The following CNR2 variants were observed in gnomAD, a reference collection of about 807,000 sequenced individuals.
CNR2 encodes the protein cannabinoid receptor 2.
For synonymous variants in CNR2, 172 were observed against 182.2 expected, an observed-to-expected ratio of 0.94 and a Z score of 0.45; for missense variants, 379 against 439.9, an observed-to-expected ratio of 0.86 and a Z score of 1.24.
intron 1 of CNR2, among the ~76,000 whole-genome samples, chr1:23,908,066 C>T (rs1005832857): frequency 2.8e-5 from 4 of 144,550 alleles, no homozygotes; most frequent in Non-Finnish European, 6.0e-5. Context: ...CTGCAACCTC[C>T]GGCTCTCTGG....
chr1:23,904,511 TC>T (rs1269058100), intron 1 of CNR2, among the ~76,000 whole-genome samples: 1 of 152,146 alleles, frequency 6.6e-6, no homozygotes, highest in Non-Finnish European at 1.5e-5. Context: ...AAGGCCTATC[TC>T]CCTCTTTCAA....
chr1:23,884,118 C>T (rs1640042842), intron 1 of CNR2, among the ~76,000 whole-genome samples: 1 of 151,426 alleles, frequency 6.6e-6, no homozygotes, highest in African/African-American at 2.4e-5. Context: ...CTCACTCTGT[C>T]GCCCAGGCTG....
At chr1:23,901,678 C>A in intron 1 of CNR2, 1 of 1,474,052 alleles carries the variant, frequency 6.8e-7, no homozygotes, top group Non-Finnish European at 9.5e-7. Flanking sequence ...GGTGTTCAAA[C>A]CAGACCGGGA....
intron 1 of CNR2, among the ~76,000 whole-genome samples, chr1:23,882,651 CAAAAAAA>C (rs34245051): frequency 8.9e-6 from 1 of 112,680 alleles, no homozygotes; most frequent in Non-Finnish European, 1.7e-5. Flanking sequence ...ACTAAAAATA[CAAAAAAA>C]AAAAAAAAAA....
Position 23,875,212 on chromosome 1 carries a change from G to T in CNR2, c.406C>A (p.Arg136Ser). ...LTAIDRYLCL[R>S]YPPSYKALLT... ...AGAGCTTTGTAGGAAGGTGGATAGC[G>T]CAGGCAGAGGTATCGGTCAATGGCG... The change falls in exon 2 of 2, where the codon CGC becomes AGC. Residue 136 changes from arginine to serine, a missense_variant. Arg to Ser is a moderately radical substitution (Grantham distance 110). Transcript: ENST00000374472. The T allele has an allele frequency of 6.2e-7, 1 of 1,614,154 alleles. No homozygotes were observed. Among genetic ancestry groups the T allele is most frequent in the Non-Finnish European group, 8.5e-7 (1 of 1,180,016 alleles).
Position 23,875,599 on chromosome 1 carries a change from T to C in CNR2, c.19A>G (p.Thr7Ala). The C allele has an allele frequency of 6.2e-7, 1 of 1,605,158 alleles. No individual in the cohort carries two copies. Among genetic ancestry groups the C allele is most frequent in the Non-Finnish European group, 8.5e-7 (1 of 1,173,900 alleles). ...TCCTTGGAGCCATTGGCTATCTCTG[T>C]CACCCAGCATTCCTCCATGGGGTGG... MEECWV[T>A]EIANGSKDGL... The change falls in exon 2 of 2, where the codon ACA becomes GCA. Residue 7 changes from threonine (T) to alanine (A), a missense_variant. Physicochemically the swap from Thr to Ala is moderately conservative, Grantham distance 58 (BLOSUM62 0). Transcript: ENST00000374472.
At chr1:23,887,909 C>T (rs1640118951) in intron 1 of CNR2, among the ~76,000 whole-genome samples, 1 of 152,188 alleles carries the variant, frequency 6.6e-6, no homozygotes, top group Admixed American at 6.5e-5. Flanking sequence ...TATCTACCCT[C>T]CACATATTTT....
chr1:23,895,508 T>A (rs1640265298), intron 1 of CNR2, among the ~76,000 whole-genome samples: 1 of 152,060 alleles, frequency 6.6e-6, no homozygotes, highest in Non-Finnish European at 1.5e-5. Context: ...GAGTCCTTTT[T>A]TTTCTCTCTC....
rs546118398 is a variant in CNR2 at position 23,894,917 on chromosome 1, C to T, written c.-46+18329G>A. 2.0e-5 allele frequency among the ~76,000 whole-genome samples: 3 copies of T among 152,160 alleles called. No individual in the cohort carries two copies. In the East Asian group the frequency reaches 5.8e-4, roughly 29 times the overall value. ...AACAAATACTTGGTAAATTAACTGA[C>T]TAATTAGAAATCTGCAACACTGCCG... is the stretch of plus-strand genomic sequence containing the variant. On this transcript the variant is annotated intron_variant, in intron 1 of 1. Coordinates refer to ENST00000374472, the MANE Select transcript of CNR2 (RefSeq NM_001841.3).
At chr1:23,895,280 C>T (rs1419481196) in intron 1 of CNR2, among the ~76,000 whole-genome samples, 1 of 152,150 alleles carries the variant, frequency 6.6e-6, no homozygotes, top group Non-Finnish European at 1.5e-5. Context: ...ATATCTTCTT[C>T]CTCTTTCAAT....
chr1:23,899,580 C>G (rs941892242), intron 1 of CNR2, among the ~76,000 whole-genome samples: 3 of 151,170 alleles, frequency 2.0e-5, no homozygotes, highest in Non-Finnish European at 4.4e-5. Context: ...CTTTGGGAGG[C>G]TGAGGCGGGT....
At chr1:23,902,713 G>T in intron 1 of CNR2, 1 of 1,587,198 alleles carries the variant, frequency 6.3e-7, no homozygotes, top group Non-Finnish European at 8.5e-7. Context: ...TTGAACATGA[G>T]CGCGTTCCTC....
chr1:23,889,832 G>T (rs1399150548), intron 1 of CNR2, among the ~76,000 whole-genome samples: 1 of 152,206 alleles, frequency 6.6e-6, no homozygotes, highest in Non-Finnish European at 1.5e-5. Context: ...TCATTCACTT[G>T]TAAACTGGGA....
chr1:23,905,048 C>T (rs1043809252), intron 1 of CNR2, among the ~76,000 whole-genome samples: 3 of 152,060 alleles, frequency 2.0e-5, no homozygotes, highest in Non-Finnish European at 4.4e-5. Flanking sequence ...GTTTGTGAAG[C>T]GATGTGGAGA....
At chr1:23,889,259 T>C (rs7554234) in intron 1 of CNR2, among the ~76,000 whole-genome samples, 128,698 of 152,106 alleles carry the variant, frequency 0.85, 54,551 homozygotes, top group Admixed American at 0.86. Flanking sequence ...TAGCGGCTGG[T>C]CCCACGTTGC....
At chr1:23,901,446 A>T in intron 1 of CNR2, 1 of 1,528,722 alleles carries the variant, frequency 6.5e-7, no homozygotes, top group Admixed American at 2.1e-5. Context: ...CCACTCGCCG[A>T]CCTGCTGCAG....
intron 1 of CNR2, among the ~76,000 whole-genome samples, chr1:23,899,660 CA>C (rs1398506790): frequency 6.7e-6 from 1 of 148,494 alleles, no homozygotes; most frequent in Non-Finnish European, 1.5e-5. Context: ...ACTAAAAATA[CA>C]AAAGTTAGCC....
chr1:23,882,651 C>A (rs374105855), intron 1 of CNR2, among the ~76,000 whole-genome samples: 867 of 112,472 alleles, frequency 7.7e-3, no homozygotes, highest in Non-Finnish European at 9.4e-3. Flanking sequence ...ACTAAAAATA[C>A]AAAAAAAAAA....
rs1390790100 is a variant in CNR2 at position 23,873,882 on chromosome 1, CT to C, written c.*652del. 6.6e-6 allele frequency: 1 copy of C among 152,266 alleles called. No homozygotes were observed. Among genetic ancestry groups the C allele is most frequent in the Non-Finnish European group, 1.5e-5 (1 of 68,060 alleles). 9.4% of individuals were successfully genotyped at this position (152,266 alleles called of 1,614,324 possible). ...TTGTGTCTCAGGCGATCCCAGCCTC[CT>C]CTGTATTTCCAGGGACCTGAGGTTA... On this transcript the variant is annotated 3_prime_UTR_variant, in exon 2 of 2. Transcript: ENST00000374472.
Sources: allele counts gnomAD v4.1 joint callset (sites outside exome capture counted in the v4.1 genomes callset), GRCh38; gene constraint gnomAD v4.1.1; transcripts MANE v1.5; gene names NCBI Gene and HGNC (gene_info 2026-07-23, HGNC 2026-07-21).